The following CIMIP6 variants were observed in gnomAD, a reference collection of about 807,000 sequenced individuals.
CIMIP6 encodes ciliary microtubule inner protein 6.
the CIMIP6 span, chr2:54,331,026 A>C: frequency 6.2e-7 from 1 of 1,613,184 alleles, no homozygotes; most frequent in Non-Finnish European, 8.5e-7. Context: ...TTGGTGTCTT[A>C]TTTCCCTTTC....
chr2:54,349,777 G>A, the CIMIP6 span, among the ~76,000 whole-genome samples: 1 of 151,820 alleles, frequency 6.6e-6, no homozygotes, highest in Non-Finnish European at 1.5e-5. Context: ...TGTAATGCCT[G>A]AATAAGGAAT....
chr2:54,332,370 G>T, the CIMIP6 span, among the ~76,000 whole-genome samples: 1 of 152,132 alleles, frequency 6.6e-6, no homozygotes, highest in Non-Finnish European at 1.5e-5. Context: ...CTCTATGAGG[G>T]CAGGAATTTT....
the CIMIP6 span, among the ~76,000 whole-genome samples, chr2:54,343,443 T>C: frequency 6.6e-6 from 1 of 152,196 alleles, no homozygotes; most frequent in Non-Finnish European, 1.5e-5. Flanking sequence ...AATACAGCTA[T>C]TTTGCTGATT....
At chr2:54,366,881 A>C in the CIMIP6 span, among the ~76,000 whole-genome samples, 1 of 152,126 alleles carries the variant, frequency 6.6e-6, no homozygotes, top group African/African-American at 2.4e-5. Flanking sequence ...TGTACAAGGT[A>C]CTATTCTCAG....
At chr2:54,370,719 G>T in the CIMIP6 span, among the ~76,000 whole-genome samples, 1 of 152,184 alleles carries the variant, frequency 6.6e-6, no homozygotes. Context: ...CATGCATGGA[G>T]AGGAAGCCTG....
chr2:54,331,703 CTA>C, the CIMIP6 span, among the ~76,000 whole-genome samples: 1 of 151,964 alleles, frequency 6.6e-6, no homozygotes, highest in African/African-American at 2.4e-5. Context: ...ATCAGAAACT[CTA>C]TGGCTGGGGC....
chr2:54,345,689 C>T, the CIMIP6 span, among the ~76,000 whole-genome samples: 3 of 152,150 alleles, frequency 2.0e-5, no homozygotes, highest in Non-Finnish European at 4.4e-5. Context: ...TGCATATACT[C>T]ATAACCAGTA....
chr2:54,333,726 T>TA, the CIMIP6 span, among the ~76,000 whole-genome samples: 29 of 150,434 alleles, frequency 1.9e-4, no homozygotes, highest in East Asian at 5.8e-4. Flanking sequence ...CTGTCTCTAC[T>TA]AAAAAAAAAT....
At chr2:54,333,089 C>T in the CIMIP6 span, among the ~76,000 whole-genome samples, 4 of 152,128 alleles carry the variant, frequency 2.6e-5, no homozygotes, top group African/African-American at 9.7e-5. Context: ...AATGGCAGTC[C>T]ATTTACCTTG....
At chr2:54,371,830 T>G in the CIMIP6 span, among the ~76,000 whole-genome samples, 1 of 152,110 alleles carries the variant, frequency 6.6e-6, no homozygotes, top group African/African-American at 2.4e-5. Context: ...AAGAACTGAG[T>G]CTATGGAAGC....
the CIMIP6 span, chr2:54,361,718 C>G: frequency 6.6e-6 from 1 of 152,104 alleles, no homozygotes; most frequent in East Asian, 1.9e-4. Context: ...CCATAGTCTT[C>G]AACACCATAG....
chr2:54,334,158 A>C, the CIMIP6 span, among the ~76,000 whole-genome samples: 2 of 152,148 alleles, frequency 1.3e-5, no homozygotes, highest in Non-Finnish European at 2.9e-5. Flanking sequence ...TTATAATTTC[A>C]ATTTCTCCTT....
chr2:54,358,346 A>C, the CIMIP6 span, among the ~76,000 whole-genome samples: 7 of 152,232 alleles, frequency 4.6e-5, no homozygotes, highest in African/African-American at 1.7e-4. Flanking sequence ...TTAACAAATT[A>C]TAGTTATGTT....
the CIMIP6 span, among the ~76,000 whole-genome samples, chr2:54,380,626 G>A: frequency 2.6e-5 from 4 of 152,190 alleles, no homozygotes; most frequent in African/African-American, 9.7e-5. Flanking sequence ...ACATTACAGG[G>A]AGACCTTGTG....
chr2:54,340,453 G>C, the CIMIP6 span, among the ~76,000 whole-genome samples: 3 of 152,138 alleles, frequency 2.0e-5, no homozygotes, highest in East Asian at 5.8e-4. Flanking sequence ...TGGACCAAAA[G>C]GGCACGCACA....
At chr2:54,348,844 T>A in the CIMIP6 span, among the ~76,000 whole-genome samples, 1 of 152,204 alleles carries the variant, frequency 6.6e-6, no homozygotes, top group Non-Finnish European at 1.5e-5. Flanking sequence ...GACTTTGGCA[T>A]TTCAGCAATG....
At chr2:54,355,735 T>A in the CIMIP6 span, among the ~76,000 whole-genome samples, 1 of 152,184 alleles carries the variant, frequency 6.6e-6, no homozygotes, top group Non-Finnish European at 1.5e-5. Flanking sequence ...TTTCAACTGT[T>A]ATATTTTTTA....
chr2:54,343,622 CT>C, the CIMIP6 span: 3 of 834,328 alleles, frequency 3.6e-6, no homozygotes, highest in Non-Finnish European at 3.4e-6. Flanking sequence ...TATCCACTAA[CT>C]TGTTAAATTG....
the CIMIP6 span, chr2:54,361,116 T>G: frequency 6.6e-6 from 1 of 152,256 alleles, no homozygotes; most frequent in East Asian, 1.9e-4. Context: ...AATGTTCTCT[T>G]ATATATTTAA....
Sources: allele counts gnomAD v4.1 joint callset (sites outside exome capture counted in the v4.1 genomes callset), GRCh38; gene constraint gnomAD v4.1.1; transcripts MANE v1.5; gene names NCBI Gene and HGNC (gene_info 2026-07-23, HGNC 2026-07-21).